Variants in FRMPD4 observed in about 807,000 individuals in gnomAD.
FRMPD4 encodes FERM and PDZ domain containing 4.
In FRMPD4, 22 loss-of-function variants were observed where a neutral mutation model predicts 94.1. The observed-to-expected ratio is 0.23, with a 90% CI of 0.17 to 0.33. The LOEUF is 0.33. FRMPD4 is among the 10% of genes least tolerant of loss of function. FRMPD4 has a pLI of 1.00. For synonymous variants in FRMPD4, 631 were observed against 548.6 expected (o/e 1.15, Z -2.10); for missense variants, 1,111 against 1,339.9 (o/e 0.83, Z 2.67).
At chrX:12,131,860 T>C (rs1046130109) in intron 3 of FRMPD4, among the ~76,000 whole-genome samples, 1 of 112,152 alleles carries the variant, frequency 8.9e-6, no homozygotes, top group Non-Finnish European at 1.9e-5. Flanking sequence ...ACTTACAGGG[T>C]TATTTCCAGG....
At chrX:12,599,905 A>G (rs943932140) in intron 2 of FRMPD4, among the ~76,000 whole-genome samples, 6 of 103,414 alleles carry the variant, frequency 5.8e-5, no homozygotes, top group Non-Finnish European at 1.1e-4. Context: ...ATTATGGAGA[A>G]TATAAAATAT....
At chrX:12,344,735 G>T (rs970175209) in intron 1 of FRMPD4, among the ~76,000 whole-genome samples, 3 of 112,116 alleles carry the variant, frequency 2.7e-5, no homozygotes, top group African/African-American at 9.7e-5. Flanking sequence ...GAGTTGTGTT[G>T]ACTTTCTTTG....
intron 4 of FRMPD4, among the ~76,000 whole-genome samples, chrX:12,636,271 TTG>T (rs1189997278): frequency 8.9e-6 from 1 of 111,919 alleles, no homozygotes; most frequent in Non-Finnish European, 1.9e-5. Context: ...CTCTTTTTTA[TTG>T]TCTTTGAAAA....
At chrX:12,275,821 T>C (rs2054426972) in intron 1 of FRMPD4, among the ~76,000 whole-genome samples, 1 of 111,331 alleles carries the variant, frequency 9.0e-6, no homozygotes, top group Non-Finnish European at 1.9e-5. Flanking sequence ...CAATGGACAA[T>C]GTTAGGGTGA....
intron 1 of FRMPD4, among the ~76,000 whole-genome samples, chrX:12,185,576 A>G (rs1002997477): frequency 9.0e-6 from 1 of 111,340 alleles, no homozygotes; most frequent in Non-Finnish European, 1.9e-5. Flanking sequence ...CCCCACTCCT[A>G]TCTTTCTCTT....
chrX:11,869,742 T>C (rs2053745481), intron 2 of FRMPD4, among the ~76,000 whole-genome samples: 1 of 111,812 alleles, frequency 8.9e-6, no homozygotes, highest in African/African-American at 3.2e-5. Context: ...AAACTCTGGT[T>C]TAGGAAGAAA....
intron 3 of FRMPD4, among the ~76,000 whole-genome samples, chrX:12,073,489 G>A (rs1408373112): frequency 1.1e-4 from 12 of 111,682 alleles, no homozygotes; most frequent in Non-Finnish European, 2.1e-4. Flanking sequence ...AAATGTTTGT[G>A]TAAAAAAATT....
intron 3 of FRMPD4, among the ~76,000 whole-genome samples, chrX:12,059,623 C>A (rs2054873865): frequency 9.3e-6 from 1 of 107,825 alleles, no homozygotes; most frequent in African/African-American, 3.4e-5. Flanking sequence ...TTCCTCCTGC[C>A]CCCCATAGTA....
At chrX:12,448,402 G>A (rs768860706) in intron 1 of FRMPD4, among the ~76,000 whole-genome samples, 7 of 111,832 alleles carry the variant, frequency 6.3e-5, no homozygotes, top group Admixed American at 2.8e-4. Context: ...TCTTGGCCCC[G>A]AAACACTTTA....
At chrX:12,277,166 A>G (rs943781174) in intron 1 of FRMPD4, among the ~76,000 whole-genome samples, 6 of 111,748 alleles carry the variant, frequency 5.4e-5, no homozygotes, top group Admixed American at 9.5e-5. Context: ...TTTTAATAAC[A>G]TATTTTTTAT....
chrX:12,110,675 T>C (rs762193767), intron 3 of FRMPD4, among the ~76,000 whole-genome samples: 46 of 111,407 alleles, frequency 4.1e-4, no homozygotes, highest in African/African-American at 1.4e-3. Context: ...AAAACCCCAT[T>C]GTCTCAGCCC....
intron 3 of FRMPD4, among the ~76,000 whole-genome samples, chrX:12,009,033 T>A (rs931090109): frequency 8.9e-6 from 1 of 111,798 alleles, no homozygotes; most frequent in East Asian, 2.8e-4. Context: ...TAATTTAAGC[T>A]GACTGTAACA....
At chrX:12,421,765 G>GAA (rs34571736) in intron 1 of FRMPD4, among the ~76,000 whole-genome samples, 4 of 69,636 alleles carry the variant, frequency 5.7e-5, no homozygotes, top group Non-Finnish European at 1.1e-4. Flanking sequence ...CTATCTCAAA[G>GAA]AAAAAAAAAA....
Position 12,375,307 on chromosome X carries a change from A to G in FRMPD4, c.42-123373A>G, listed in dbSNP as rs745306383. 3.5e-5 allele frequency among the ~76,000 whole-genome samples: 4 copies of G among 112,828 alleles called. No homozygotes were observed. The East Asian group carries it at 1.1e-3, about 31-fold the overall frequency. ...CACAGTTTTTCTAAGTCAGAAGTAT[A>G]TGTCGTGACAGGGCTGGATTCTCTA... On this transcript the variant is annotated intron_variant, in intron 1 of 16. Transcript: ENST00000675598.
upstream of FRMPD4, among the ~76,000 whole-genome samples, chrX:12,136,608 G>A (rs1437615279): frequency 2.7e-5 from 3 of 110,841 alleles, no homozygotes; most frequent in Non-Finnish European, 5.7e-5. Flanking sequence ...CCTAAGGTGG[G>A]AAGATTACCT....
intron 3 of FRMPD4, among the ~76,000 whole-genome samples, chrX:11,993,507 A>C: frequency 8.9e-6 from 1 of 112,281 alleles, no homozygotes. Context: ...GGTTGCAGGC[A>C]AAATTGCTCC....
intron 1 of FRMPD4, among the ~76,000 whole-genome samples, chrX:12,442,144 T>C (rs1029224240): frequency 2.9e-5 from 3 of 102,874 alleles, no homozygotes; most frequent in Non-Finnish European, 5.9e-5. Context: ...ACTAGAACCA[T>C]TGTCCTAGTT....
intron 3 of FRMPD4, among the ~76,000 whole-genome samples, chrX:11,925,518 C>A (rs779208378): frequency 1.8e-5 from 2 of 112,199 alleles, no homozygotes; most frequent in South Asian, 7.4e-4. Context: ...CACTCTTCAG[C>A]AAATGTGAAA....
intron 4 of FRMPD4, among the ~76,000 whole-genome samples, chrX:12,662,063 C>T (rs1242816105): frequency 8.9e-6 from 1 of 111,902 alleles, no homozygotes; most frequent in Non-Finnish European, 1.9e-5. Context: ...GGGGAAACGC[C>T]CTTCTGAGCA....
Sources: gnomAD v4.1 joint callset for allele counts (sites outside exome capture counted in the v4.1 genomes callset) on GRCh38, gnomAD v4.1.1 for gene constraint, MANE v1.5 for transcripts, NCBI Gene and HGNC (gene_info 2026-07-23, HGNC 2026-07-21) for gene names.